Variants in BUB1B observed in about 807,000 individuals in gnomAD.
BUB1B encodes the protein mitotic checkpoint serine/threonine-protein kinase BUB1 beta.
Under a neutral mutation model 137.7 loss-of-function variants are expected in BUB1B, and 86 were observed. The observed-to-expected ratio is 0.62, with a 90% CI of 0.52 to 0.75. BUB1B has a LOEUF of 0.75. Ranked by LOEUF, BUB1B falls within the 30% of genes least tolerant of loss-of-function variation. The probability of loss-of-function intolerance (pLI) is 0.00; values close to 1 mark genes in which losing one functional copy is unlikely to be tolerated. For missense variants in BUB1B, 1,130 were observed against 1,236.9 expected (o/e 0.91, Z 1.30); for synonymous variants, 420 against 417.9 (o/e 1.00, Z -0.06).
At chr15:40,170,818 G>A (rs763022826) in intron 4 of BUB1B, 137 bp downstream of exon 4, 71 of 835,870 alleles carry the variant, frequency 8.5e-5, no homozygotes, top group Non-Finnish European at 1.3e-4. Flanking sequence ...TAATAAATAT[G>A]CAATACTTCT....
Position 40,206,233 on chromosome 15 carries a change from G to C in BUB1B, c.1784G>C (p.Gly595Ala). ...TTGAGCGAGGATGCCATTATCACAG[G>C]CTTCAGAAATGTAACAATTTGTCCT... is the stretch of plus-strand genomic sequence containing the variant. ...EPLSEDAIIT[G>A]FRNVTICPNP... Residue 595 changes from glycine (G) to alanine (A), a missense_variant, in exon 15 of 23, where the codon GGC becomes GCC. Transcript: ENST00000287598. 1 of 1,614,128 alleles carries C rather than the reference G, an allele frequency of 6.2e-7. No homozygotes were observed. Among genetic ancestry groups the C allele is most frequent in the Non-Finnish European group, 8.5e-7 (1 of 1,180,024 alleles).
At chr15:40,206,548 T>C in intron 15 of BUB1B, 90 bp downstream of exon 15, 1 of 1,519,266 alleles carries the variant, frequency 6.6e-7, no homozygotes, top group East Asian at 2.3e-5. Context: ...GTTATCAAGT[T>C]CTTACTAACT....
chr15:40,201,936 T>C (rs977071360), intron 12 of BUB1B, among the ~76,000 whole-genome samples: 2 of 152,192 alleles, frequency 1.3e-5, no homozygotes, highest in Non-Finnish European at 2.9e-5. Context: ...CCCAAAGTGC[T>C]GGGATTACAG....
At position 40,212,596 on chromosome 15, in the gene BUB1B, A is replaced by C. The variant is rs2037728196; in HGVS notation, c.2483A>C (p.Tyr828Ser). Residue 828 changes from tyrosine to serine, a missense_variant, in exon 19 of 23, where the codon TAT (tyrosine) becomes TCT (serine). By Grantham distance (144) the Tyr-to-Ser change is moderately radical (BLOSUM62 -2). Coordinates refer to ENST00000287598, the MANE Select transcript of BUB1B (RefSeq NM_001211.6). ...DFDHFCSCYQ[Y>S]QDGCIVWHQY... The stretch of plus-strand genomic sequence containing the variant: ...GATCATTTTTGCAGCTGTTATCAAT[A>C]TCAAGATGGCTGTATTGTTTGGCAC... 1.2e-6 allele frequency: 2 copies of C among 1,613,746 alleles called. No individual in the cohort carries two copies. The highest frequency in any genetic ancestry group is 1.7e-6 in the Non-Finnish European group (2 of 1,179,878).
intron 16 of BUB1B, among the ~76,000 whole-genome samples, chr15:40,209,190 C>T (rs566140448): frequency 2.1e-4 from 32 of 151,440 alleles, no homozygotes; most frequent in African/African-American, 4.6e-4. Flanking sequence ...GAGGCCGAGG[C>T]GGGTGGATCA....
intron 8 of BUB1B, among the ~76,000 whole-genome samples, chr15:40,188,064 T>A (rs2037390100): frequency 1.3e-5 from 2 of 152,226 alleles, no homozygotes; most frequent in Non-Finnish European, 2.9e-5. Context: ...CTTATTATTT[T>A]TGAGACGGAG....
intron 5 of BUB1B, among the ~76,000 whole-genome samples, chr15:40,180,993 G>A (rs1197103365): frequency 6.6e-6 from 1 of 151,780 alleles, no homozygotes; most frequent in African/African-American, 2.4e-5. Context: ...AGTAGTTCCT[G>A]ACCTATACAT....
chr15:40,169,882 G>T (rs1488273389), intron 2 of BUB1B, among the ~76,000 whole-genome samples, 180 bp from the exon 3 acceptor site: 2 of 151,676 alleles, frequency 1.3e-5, no homozygotes, highest in Non-Finnish European at 2.9e-5. Flanking sequence ...CAAAGTGTCG[G>T]GATTACAGGC....
intron 2 of BUB1B, chr15:40,166,261 A>C: frequency 2.8e-6 from 1 of 362,716 alleles, no homozygotes. Context: ...AGATTCTTCC[A>C]GTTTTGTGCT....
rs74011372 is a variant in BUB1B, at chr15:40,199,469, G to A, written c.1289-146G>A. The A allele has an allele frequency of 3.5e-3, 2,391 of 678,814 alleles. 50 individuals carry two copies. In the African/African-American group the frequency reaches 0.039, roughly 11 times the overall value. The allele number at this position is 678,814 out of a possible 1,614,324, so 42.0% of individuals were successfully genotyped here. On this transcript the variant is annotated intron_variant, in intron 9 of 22. Transcript: ENST00000287598. ...TGAATGGATAAAGAATAGAGGCCTA[G>A]ACCACAAGTTGAGGACCTTATTCCA...
At chr15:40,179,827 C>A (rs1489240837) in intron 5 of BUB1B, among the ~76,000 whole-genome samples, 1 of 151,740 alleles carries the variant, frequency 6.6e-6, no homozygotes, top group Non-Finnish European at 1.5e-5. Flanking sequence ...AATGTTTTAC[C>A]ATTTAAAGTA....
chr15:40,200,194 G>A (rs1168595814), intron 10 of BUB1B, 50 bp from the exon 11 acceptor site: 4 of 1,283,548 alleles, frequency 3.1e-6, no homozygotes, highest in South Asian at 1.2e-5. Flanking sequence ...CTAGAAAATA[G>A]CATTTTCTGG....
At chr15:40,179,082 A>C (rs754802827) in intron 5 of BUB1B, among the ~76,000 whole-genome samples, 3 of 151,878 alleles carry the variant, frequency 2.0e-5, no homozygotes, top group Non-Finnish European at 4.4e-5. Flanking sequence ...TATTCTGGAC[A>C]TTTTAGTTAA....
intron 9 of BUB1B, among the ~76,000 whole-genome samples, chr15:40,197,317 G>C (rs544499833): frequency 2.6e-5 from 4 of 152,074 alleles, no homozygotes; most frequent in Non-Finnish European, 5.9e-5. Flanking sequence ...AAAGGAAAAG[G>C]TTTAAAAATT....
intron 8 of BUB1B, among the ~76,000 whole-genome samples, chr15:40,193,468 C>CTTTTTTTTTTT (rs555918648): frequency 1.1e-4 from 9 of 79,738 alleles, no homozygotes; most frequent in African/African-American, 2.0e-4. Flanking sequence ...CTTATTACCA[C>CTTTTTTTTTTT]TTTTTTTTTT....
chr15:40,196,253 A>T lies in BUB1B; in HGVS notation c.1059-292A>T, dbSNP rs186867886. On this transcript the variant is annotated intron_variant, in intron 8 of 22. Coordinates refer to ENST00000287598, the MANE Select transcript of BUB1B (RefSeq NM_001211.6). ...TTTGTTGAATAGAGTATCTTTCCCCACTTTACGCTTTTGTTTGCTTTGTCA... is the reference window on the plus strand; with the variant it reads ...TTTGTTGAATAGAGTATCTTTCCCCTCTTTACGCTTTTGTTTGCTTTGTCA... Among the ~76,000 whole-genome samples the T allele has an allele frequency of 0.01, 1,554 of 152,132 alleles. 15 individuals are homozygous for T. Among genetic ancestry groups the T allele is most frequent in the Non-Finnish European group, 0.014 (965 of 67,958 alleles).
chr15:40,187,683 A>C (rs1566821379), intron 8 of BUB1B, among the ~76,000 whole-genome samples: 1 of 152,098 alleles, frequency 6.6e-6, no homozygotes, highest in Non-Finnish European at 1.5e-5. Flanking sequence ...CTGAGGTGAA[A>C]GGATCGCTTG....
intron 14 of BUB1B, among the ~76,000 whole-genome samples, chr15:40,204,920 G>A (rs2037618375): frequency 6.8e-6 from 1 of 147,732 alleles, no homozygotes; most frequent in Non-Finnish European, 1.5e-5. Context: ...GATTACAGGT[G>A]TGAGCAAATG....
At chr15:40,170,431 A>G (rs763784510) in intron 3 of BUB1B, 106 bp from the exon 4 acceptor site, 18 of 1,371,006 alleles carry the variant, frequency 1.3e-5, no homozygotes, top group East Asian at 2.4e-5. Context: ...GAGGACCTCA[A>G]AAGAAACATA....
Sources: gnomAD v4.1 joint callset for allele counts (sites outside exome capture counted in the v4.1 genomes callset) on GRCh38, gnomAD v4.1.1 for gene constraint, MANE v1.5 for transcripts, NCBI Gene and HGNC (gene_info 2026-07-23, HGNC 2026-07-21) for gene names.